The following KSR2 variants were observed in gnomAD, a reference collection of about 807,000 sequenced individuals.
KSR2 encodes the protein kinase suppressor of ras 2.
Under a neutral mutation model 107.8 loss-of-function variants are expected in KSR2, and 25 were observed. The observed-to-expected ratio is 0.23, with a 90% CI of 0.17 to 0.32. The LOEUF is 0.32. KSR2 is among the 10% of genes least tolerant of loss of function. The pLI, the probability that KSR2 is intolerant of heterozygous loss-of-function variation, is 1.00. For synonymous variants in KSR2, 480 were observed against 507.0 expected (o/e 0.95, Z 0.71); for missense variants, 887 against 1,268.9 (o/e 0.70, Z 4.57).
At chr12:117,718,711 G>A (rs1001967132) in intron 4 of KSR2, among the ~76,000 whole-genome samples, 1 of 152,198 alleles carries the variant, frequency 6.6e-6, no homozygotes, top group Non-Finnish European at 1.5e-5. Context: ...TCTAGGGCCT[G>A]GAAGTAGTTA....
chr12:117,760,473 T>C (rs979211425), intron 4 of KSR2, among the ~76,000 whole-genome samples: 1 of 152,252 alleles, frequency 6.6e-6, no homozygotes, highest in Non-Finnish European at 1.5e-5. Context: ...TTTTGATATA[T>C]TGGGTTGAAT....
intron 1 of KSR2, among the ~76,000 whole-genome samples, chr12:117,957,409 C>G (rs1382372948): frequency 6.6e-6 from 1 of 152,068 alleles, no homozygotes; most frequent in Non-Finnish European, 1.5e-5. Context: ...TATTTTTGTC[C>G]CTTTTCCCTT....
At chr12:117,781,776 C>A (rs1889897489) in intron 3 of KSR2, among the ~76,000 whole-genome samples, 3 of 152,210 alleles carry the variant, frequency 2.0e-5, no homozygotes, top group Admixed American at 2.0e-4. Context: ...AGTTAACCCT[C>A]CCTGGCACCC....
At chr12:117,852,286 G>A (rs964676090) in intron 3 of KSR2, among the ~76,000 whole-genome samples, 9 of 152,056 alleles carry the variant, frequency 5.9e-5, no homozygotes, top group African/African-American at 2.2e-4. Context: ...AAACTAGCTG[G>A]GCGTGGTGGC....
intron 3 of KSR2, among the ~76,000 whole-genome samples, chr12:117,813,452 T>C (rs995684284): frequency 6.6e-6 from 1 of 152,060 alleles, no homozygotes; most frequent in Non-Finnish European, 1.5e-5. Flanking sequence ...AAAATAATGA[T>C]AATCTGATTA....
chr12:117,531,100 A>C (rs934976048), intron 11 of KSR2, 87 bp from the exon 12 acceptor site: 1 of 1,059,892 alleles, frequency 9.4e-7, no homozygotes, highest in Admixed American at 1.8e-5. Context: ...CATGGCAGCC[A>C]ATTTTTCACC....
At chr12:117,935,951 T>A (rs1895823886) in intron 1 of KSR2, among the ~76,000 whole-genome samples, 1 of 152,170 alleles carries the variant, frequency 6.6e-6, no homozygotes, top group Admixed American at 6.6e-5. Flanking sequence ...AAATGTCACC[T>A]TTTTCATGAA....
At chr12:117,659,981 G>T (rs985480018) in intron 5 of KSR2, among the ~76,000 whole-genome samples, 1 of 152,182 alleles carries the variant, frequency 6.6e-6, no homozygotes, top group Non-Finnish European at 1.5e-5. Flanking sequence ...GCTGGGGCTG[G>T]AGAGCAGCTG....
intron 14 of KSR2, among the ~76,000 whole-genome samples, chr12:117,490,042 C>T (rs1872664793): frequency 6.6e-6 from 1 of 152,202 alleles, no homozygotes; most frequent in Non-Finnish European, 1.5e-5. Context: ...AGCAATGCTG[C>T]AACCCCTATA....
At chr12:117,826,775 C>T (rs1392589617) in intron 3 of KSR2, among the ~76,000 whole-genome samples, 1 of 151,938 alleles carries the variant, frequency 6.6e-6, no homozygotes, top group Non-Finnish European at 1.5e-5. Context: ...TCCGGTTTTC[C>T]TGCACTTTTT....
At chr12:117,578,074 G>C in intron 7 of KSR2, among the ~76,000 whole-genome samples, 1 of 152,110 alleles carries the variant, frequency 6.6e-6, no homozygotes, top group Admixed American at 6.5e-5. Flanking sequence ...GAGAAAGGAA[G>C]CTTGGGGAGG....
At chr12:117,598,536 T>G (rs1880766432) in intron 5 of KSR2, among the ~76,000 whole-genome samples, 1 of 152,224 alleles carries the variant, frequency 6.6e-6, no homozygotes, top group African/African-American at 2.4e-5. Flanking sequence ...TTAAGGAATC[T>G]CCTTACTGTT....
At chr12:117,501,220 TG>T (rs1873356589) in intron 14 of KSR2, among the ~76,000 whole-genome samples, 1 of 152,260 alleles carries the variant, frequency 6.6e-6, no homozygotes, top group Non-Finnish European at 1.5e-5. Flanking sequence ...CCATACTTTT[TG>T]TCTGCAAATT....
intron 5 of KSR2, among the ~76,000 whole-genome samples, chr12:117,612,261 G>A (rs565515695): frequency 2.2e-4 from 34 of 152,048 alleles, no homozygotes; most frequent in Non-Finnish European, 3.4e-4. Flanking sequence ...AAAATTAGCC[G>A]GGCGTGGTGG....
chr12:117,711,005 G>T (rs1160605471), intron 4 of KSR2, among the ~76,000 whole-genome samples: 3 of 152,130 alleles, frequency 2.0e-5, no homozygotes, highest in Non-Finnish European at 2.9e-5. Context: ...CACCTAATCA[G>T]AGACACCATC....
At chr12:117,639,629 G>GTATTATTATTATTATTATTAT (rs5801245) in intron 5 of KSR2, among the ~76,000 whole-genome samples, 24 of 137,878 alleles carry the variant, frequency 1.7e-4, no homozygotes, top group East Asian at 1.6e-3. Flanking sequence ...CGCACCCAGC[G>GTATTATTATTATTATTATTAT]TATTATTATT....
rs1446884106 is a variant in KSR2 at position 117,463,990 on chromosome 12, G to A, written c.*3209C>T. ...ATGGGGTGAGGATGGGGGGGTCCAT[G>A]GCAAGATGAAAATTTTCTCTTTGAT... On this transcript the variant is annotated 3_prime_UTR_variant, in exon 20 of 20. Coordinates refer to ENST00000339824, the MANE Select transcript of KSR2 (RefSeq NM_173598.6). 6.6e-6 allele frequency: 1 copy of A among 152,230 alleles called. No homozygotes were observed. Among genetic ancestry groups the A allele is most frequent in the African/African-American group, 2.4e-5 (1 of 41,416 alleles). The allele number at this position is 152,230 out of a possible 1,614,324, so 9.4% of individuals were successfully genotyped here.
At chr12:117,642,488 C>T (rs759453031) in intron 5 of KSR2, among the ~76,000 whole-genome samples, 1 of 152,222 alleles carries the variant, frequency 6.6e-6, no homozygotes, top group Non-Finnish European at 1.5e-5. Context: ...CTCTGGACCT[C>T]AAGGTAAACG....
In KSR2 at chr12:117,851,540, A is replaced by T. The variant is rs545999578; in HGVS notation, c.472+3888T>A. Among the ~76,000 whole-genome samples the T allele has an allele frequency of 2.6e-5, 4 of 152,226 alleles. 1 individual carries two copies. In the South Asian group the frequency reaches 8.3e-4, roughly 32 times the overall value. On this transcript the variant is annotated intron_variant, in intron 3 of 19. Transcript: ENST00000339824. ...CGAGGCTGCAGTGAGCTGTGATCACATCACACCACTGTACTCCAACCTGGG... is the reference window on the plus strand; with the variant it reads ...CGAGGCTGCAGTGAGCTGTGATCACTTCACACCACTGTACTCCAACCTGGG...
Sources: gnomAD v4.1 joint callset for allele counts (sites outside exome capture counted in the v4.1 genomes callset) on GRCh38, gnomAD v4.1.1 for gene constraint, MANE v1.5 for transcripts, NCBI Gene and HGNC (gene_info 2026-07-23, HGNC 2026-07-21) for gene names.